The following UBR3 variants were observed in gnomAD, a reference collection of about 807,000 sequenced individuals.
UBR3 encodes E3 ubiquitin-protein ligase UBR3.
Under a neutral mutation model 243.2 loss-of-function variants are expected in UBR3, and 85 were observed. The observed-to-expected ratio is 0.35, with a 90% CI of 0.29 to 0.42. The LOEUF is 0.42. Ranked by LOEUF, UBR3 falls within the 10% of genes least tolerant of loss-of-function variation. The pLI, the probability that UBR3 is intolerant of heterozygous loss-of-function variation, is 1.00. For missense variants in UBR3, 1,686 were observed against 2,300.8 expected (o/e 0.73, Z 5.47); for synonymous variants, 748 against 799.8 (o/e 0.94, Z 1.09).
intron 31 of UBR3, among the ~76,000 whole-genome samples, 194 bp downstream of exon 31, chr2:170,029,642 T>C (rs6758267): frequency 0.1 from 15,296 of 152,042 alleles, 980 homozygotes; most frequent in African/African-American, 0.18. Flanking sequence ...ATTCCCACCA[T>C]GTGAGAAAAT....
intron 13 of UBR3, 34 bp downstream of exon 13, chr2:169,924,207 G>A (rs1465432249): frequency 1.4e-6 from 2 of 1,440,248 alleles, no homozygotes; most frequent in Non-Finnish European, 1.9e-6. Flanking sequence ...GTTTTGAAGT[G>A]GATTCCTTGT....
chr2:169,937,438 T>G lies in UBR3; in HGVS notation c.2663+4430T>G, dbSNP rs568238991. On this transcript the variant is annotated intron_variant, in intron 19 of 38. Coordinates refer to ENST00000272793, the MANE Select transcript of UBR3 (RefSeq NM_172070.4). ...TGTCAGATGAGTAGATTGCAAAAAT[T>G]TTCTCCCATTCTGTAAGTTGCCTGT... 5.3e-5 allele frequency among the ~76,000 whole-genome samples: 8 copies of G among 152,332 alleles called. No individual in the cohort carries two copies. The East Asian group carries it at 1.2e-3, about 22-fold the overall frequency.
intron 10 of UBR3, among the ~76,000 whole-genome samples, chr2:169,907,476 C>T (rs549556717): frequency 2.0e-5 from 3 of 152,224 alleles, no homozygotes; most frequent in South Asian, 2.1e-4. Context: ...AAGAATCTTT[C>T]GTTCTAGAAA....
At chr2:170,081,536 A>G (rs2091906716) in intron 38 of UBR3, among the ~76,000 whole-genome samples, 190 bp from the exon 39 acceptor site, 1 of 151,920 alleles carries the variant, frequency 6.6e-6, no homozygotes, top group Non-Finnish European at 1.5e-5. Flanking sequence ...AAAAAAATAA[A>G]AAAAGGAGGC....
intron 18 of UBR3, 25 bp downstream of exon 18, chr2:169,928,893 T>G: frequency 7.4e-7 from 1 of 1,355,558 alleles, no homozygotes; most frequent in Non-Finnish European, 9.6e-7. Flanking sequence ...ATAAATGGAC[T>G]CTTTCAAATA....
intron 19 of UBR3, 100 bp from the exon 20 acceptor site, chr2:169,942,393 A>T (rs1386955461): frequency 8.1e-7 from 1 of 1,227,086 alleles, no homozygotes; most frequent in Admixed American, 2.8e-5. Context: ...ATAGCACTGC[A>T]TAAAATATTG....
intron 20 of UBR3, among the ~76,000 whole-genome samples, chr2:169,943,657 T>C (rs16823115): frequency 0.42 from 64,369 of 151,914 alleles, 15,234 homozygotes; most frequent in Non-Finnish European, 0.54. Flanking sequence ...GTAGATAATA[T>C]AACTATATAG....
intron 29 of UBR3, among the ~76,000 whole-genome samples, chr2:170,011,646 A>G (rs1470295572): frequency 2.4e-5 from 3 of 124,586 alleles, no homozygotes; most frequent in African/African-American, 8.8e-5. Context: ...TTTTTTTTGT[A>G]AGACAGTACA....
chr2:169,827,978 C>T lies in UBR3; in HGVS notation c.471C>T (p.His157=), dbSNP rs1163242022. 7.5e-6 allele frequency: 11 copies of T among 1,457,914 alleles called. No homozygotes were observed. Among genetic ancestry groups the T allele is most frequent in the Non-Finnish European group, 1.0e-5 (11 of 1,101,590 alleles). The allele number at this position is 1,457,914 out of a possible 1,614,324, so 90.3% of individuals were successfully genotyped here. A position where few individuals can be genotyped will look rare whatever the true frequency, so the allele number is the denominator to read the frequency against. ...TCCACCAGGGCGACCACACCGGACA[C>T]GACTTCAACATGTTCCGCAGCCAGG... ...ECFHQGDHTG[H]DFNMFRSQAG... The change falls in exon 1 of 39, where the codon CAC becomes CAT. Residue 157 remains histidine, a synonymous_variant. Transcript: ENST00000272793.
chr2:169,994,503 T>C (rs2089410658), intron 26 of UBR3, 47 bp downstream of exon 26: 2 of 1,557,754 alleles, frequency 1.3e-6, no homozygotes, highest in Non-Finnish European at 1.8e-6. Flanking sequence ...AAGTTGATGG[T>C]TATTTCCCTC....
At position 170,082,090 on chromosome 2, in the gene UBR3, A is replaced by G. The variant is rs2091917247; in HGVS notation, c.*247A>G. On this transcript the variant is annotated 3_prime_UTR_variant, in exon 39 of 39. Coordinates refer to ENST00000272793, the MANE Select transcript of UBR3 (RefSeq NM_172070.4). ...TTAGTGGTCATTTTTTAAGTGCACA[A>G]TTAATAAGAAGCACAACTTGTTCAC... is the stretch of plus-strand genomic sequence containing the variant. 5 of 305,618 alleles carry G rather than the reference A, an allele frequency of 1.6e-5. No individual in the cohort carries two copies. Among genetic ancestry groups the G allele is most frequent in the African/African-American group, 2.1e-5 (1 of 46,652 alleles). The allele number at this position is 305,618 out of a possible 1,614,324, so 18.9% of individuals were successfully genotyped here.
chr2:169,993,431 T>A (rs1023223977), intron 25 of UBR3, among the ~76,000 whole-genome samples: 8 of 152,242 alleles, frequency 5.3e-5, no homozygotes, highest in African/African-American at 1.9e-4. Context: ...TTTTTCATTA[T>A]CATTTCTTGT....
intron 1 of UBR3, among the ~76,000 whole-genome samples, chr2:169,838,440 TG>T: frequency 8.5e-6 from 1 of 118,094 alleles, no homozygotes; most frequent in Non-Finnish European, 1.8e-5. Context: ...TGTGTGTGTG[TG>T]TGTGTGTCTG....
chr2:169,883,935 T>C lies in UBR3; in HGVS notation c.1038+5361T>C, dbSNP rs182719268. Among the ~76,000 whole-genome samples the C allele has an allele frequency of 6.1e-3, 927 of 151,602 alleles. 18 individuals carry two copies. The highest frequency in any genetic ancestry group is 5.4e-3 in the Non-Finnish European group (368 of 67,884). ...TGAACCTCTGCTTCCCAGGTTCAAG[T>C]GATTCTCCCGTCTCAGCCTCCCGAC... On this transcript the variant is annotated intron_variant, in intron 5 of 38. Coordinates refer to ENST00000272793, the MANE Select transcript of UBR3 (RefSeq NM_172070.4).
intron 1 of UBR3, among the ~76,000 whole-genome samples, chr2:169,867,903 A>G (rs2083311467): frequency 6.6e-6 from 1 of 152,206 alleles, no homozygotes; most frequent in Non-Finnish European, 1.5e-5. Context: ...ATGCTTCAGC[A>G]TTCATCTTTA....
At chr2:170,021,459 A>C (rs1202278574) in intron 30 of UBR3, among the ~76,000 whole-genome samples, 1 of 152,056 alleles carries the variant, frequency 6.6e-6, no homozygotes, top group Non-Finnish European at 1.5e-5. Context: ...CACGTGGTGG[A>C]AGGGGCAAGA....
intron 11 of UBR3, among the ~76,000 whole-genome samples, chr2:169,917,788 C>T (rs2085519854): frequency 6.6e-6 from 1 of 152,082 alleles, no homozygotes; most frequent in African/African-American, 2.4e-5. Flanking sequence ...CTGCAACCTC[C>T]ACCTCCTGGG....
intron 11 of UBR3, among the ~76,000 whole-genome samples, chr2:169,920,805 A>G (rs1339689694): frequency 3.1e-4 from 47 of 152,218 alleles, no homozygotes; most frequent in Non-Finnish European, 1.6e-4. Flanking sequence ...TATGGCTACT[A>G]TAAACTTGAC....
At chr2:169,904,853 TTACTA>T (rs1456038444) in intron 8 of UBR3, among the ~76,000 whole-genome samples, 1 of 152,144 alleles carries the variant, frequency 6.6e-6, no homozygotes, top group African/African-American at 2.4e-5. Context: ...ATGGTAATAA[TTACTA>T]TAATGATATA....
Sources: gnomAD v4.1 joint callset for allele counts (sites outside exome capture counted in the v4.1 genomes callset) on GRCh38, gnomAD v4.1.1 for gene constraint, MANE v1.5 for transcripts, NCBI Gene and HGNC (gene_info 2026-07-23, HGNC 2026-07-21) for gene names.